The following CELF4 variants were observed in gnomAD, a reference collection of about 807,000 sequenced individuals.
The protein encoded by CELF4 is CUGBP Elav-like family member 4.
A neutral mutation model predicts 59.9 loss-of-function variants in CELF4; 18 were observed. The observed-to-expected ratio is 0.30, with a 90% CI of 0.21 to 0.45. CELF4 has a LOEUF of 0.45. Ranked by LOEUF, CELF4 falls within the 20% of genes least tolerant of loss-of-function variation. The pLI is 1.00. For synonymous variants in CELF4, 261 were observed against 267.1 expected (o/e 0.98, Z 0.22); for missense variants, 456 against 689.0 (o/e 0.66, Z 3.79).
chr18:37,318,028 G>T (rs970014503), intron 3 of CELF4, among the ~76,000 whole-genome samples: 4 of 152,092 alleles, frequency 2.6e-5, no homozygotes, highest in Admixed American at 2.6e-4. Flanking sequence ...CAAAGGCCCC[G>T]CATGTTCCCC....
rs761930409 is a variant in CELF4 at position 37,483,916 on chromosome 18, CTATTA to C, written c.369+1604_369+1608del. ...TAATACACTCCATCATTTAGCTATT[CTATTA>C]TATGTAAAATAAACAACCACAAGTT... On this transcript the variant is annotated intron_variant, in intron 2 of 12. Transcript: ENST00000420428. Among the ~76,000 whole-genome samples the C allele has an allele frequency of 1.5e-4, 23 of 152,316 alleles. No individual in the cohort carries two copies. In the Middle Eastern group the frequency reaches 0.01, roughly 68 times the overall value.
At chr18:37,271,744 T>C (rs1247985377) in intron 7 of CELF4, among the ~76,000 whole-genome samples, 2 of 152,228 alleles carry the variant, frequency 1.3e-5, no homozygotes, top group African/African-American at 2.4e-5. Context: ...GACTCAGCTT[T>C]AGCTCATACA....
At position 37,506,089 on chromosome 18, in the gene CELF4, C is replaced by G. The variant is rs967451485; in HGVS notation, c.287-20482G>C. ...TCCCCTCCCACCCCCAACGCCGCCCCCCTGTTCTTTTGGCATTCTCTGTTC... is the reference window on the plus strand; with the variant it reads ...TCCCCTCCCACCCCCAACGCCGCCCGCCTGTTCTTTTGGCATTCTCTGTTC... On this transcript the variant is annotated intron_variant, in intron 1 of 12. Transcript: ENST00000420428. 4.0e-5 allele frequency among the ~76,000 whole-genome samples: 6 copies of G among 151,804 alleles called. No homozygotes were observed. In the South Asian group the frequency reaches 6.3e-4, roughly 16 times the overall value.
chr18:37,489,632 C>T (rs1279602175), intron 1 of CELF4, among the ~76,000 whole-genome samples: 1 of 152,174 alleles, frequency 6.6e-6, no homozygotes, highest in Non-Finnish European at 1.5e-5. Context: ...GCATCAGCCT[C>T]AGCCCAGCAG....
intron 2 of CELF4, among the ~76,000 whole-genome samples, chr18:37,363,249 G>A (rs917009942): frequency 2.0e-5 from 3 of 152,136 alleles, no homozygotes; most frequent in Admixed American, 1.3e-4. Flanking sequence ...AATCCCATTA[G>A]TAGCCTCCCG....
intron 2 of CELF4, among the ~76,000 whole-genome samples, chr18:37,450,404 C>G (rs1212581667): frequency 6.6e-6 from 1 of 150,920 alleles, no homozygotes; most frequent in East Asian, 2.0e-4. Flanking sequence ...GTGTCTCTCT[C>G]CTCCCTCCCT....
intron 1 of CELF4, among the ~76,000 whole-genome samples, chr18:37,514,644 A>G (rs2099948576): frequency 6.6e-6 from 1 of 152,202 alleles, no homozygotes; most frequent in South Asian, 2.1e-4. Context: ...AAACAACTTC[A>G]GAAAAGCAAA....
intron 1 of CELF4, among the ~76,000 whole-genome samples, chr18:37,528,522 A>C (rs1263080207): frequency 2.2e-4 from 34 of 152,262 alleles, no homozygotes; most frequent in Admixed American, 2.2e-3. Flanking sequence ...AGATTTATGT[A>C]CATGCTGATT....
intron 2 of CELF4, among the ~76,000 whole-genome samples, chr18:37,466,128 C>T (rs913685750): frequency 6.6e-6 from 1 of 152,226 alleles, no homozygotes; most frequent in African/African-American, 2.4e-5. Flanking sequence ...CTCTTTCTGT[C>T]TGCTCTTGAT....
rs147116221 is a variant in CELF4 at position 37,350,785 on chromosome 18, C to A, written c.370-28904G>T. Among the ~76,000 whole-genome samples the A allele has an allele frequency of 6.9e-3, 1,044 of 152,348 alleles. 15 individuals are homozygous for A. Among genetic ancestry groups the A allele is most frequent in the African/African-American group, 0.023 (975 of 41,598 alleles). On this transcript the variant is annotated intron_variant, in intron 2 of 12. Coordinates refer to ENST00000420428, the MANE Select transcript of CELF4 (RefSeq NM_020180.4). ...ATGGTGGGACTACAGGCTTATCTCA[C>A]TTAAGACCCCAGGATTCTGGGATCC... is the stretch of plus-strand genomic sequence containing the variant.
intron 2 of CELF4, among the ~76,000 whole-genome samples, chr18:37,429,079 T>A (rs76444831): frequency 3.4e-4 from 52 of 151,810 alleles, no homozygotes; most frequent in African/African-American, 1.2e-3. Flanking sequence ...GGTGAGGGAG[T>A]CGTGCTTCCT....
chr18:37,486,309 C>T (rs902253319), intron 1 of CELF4, among the ~76,000 whole-genome samples: 10 of 152,160 alleles, frequency 6.6e-5, no homozygotes, highest in African/African-American at 2.4e-4. Context: ...TAACAAATCA[C>T]ATCCTCTTTC....
intron 1 of CELF4, among the ~76,000 whole-genome samples, chr18:37,516,992 C>T (rs566938066): frequency 2.0e-5 from 3 of 152,238 alleles, no homozygotes; most frequent in East Asian, 1.9e-4. Context: ...GCTGCGGGAC[C>T]GTGCCTTCAA....
intron 1 of CELF4, among the ~76,000 whole-genome samples, chr18:37,527,895 A>C (rs1201436457): frequency 6.6e-6 from 1 of 152,160 alleles, no homozygotes; most frequent in Admixed American, 6.5e-5. Context: ...GTTGCTCCTT[A>C]CATTTTCTCT....
chr18:37,275,653 A>C, intron 3 of CELF4: 1 of 193,720 alleles, frequency 5.2e-6, no homozygotes, highest in Non-Finnish European at 1.1e-5. Context: ...AGGCTCCAAA[A>C]TGAATCACAA....
chr18:37,313,348 T>G (rs965793212), intron 3 of CELF4, among the ~76,000 whole-genome samples: 21 of 152,340 alleles, frequency 1.4e-4, no homozygotes, highest in African/African-American at 5.1e-4. Flanking sequence ...AGCAGAGCTC[T>G]GAGAAGTTTC....
At chr18:37,537,785 A>T (rs917676161) in intron 1 of CELF4, among the ~76,000 whole-genome samples, 10 of 152,140 alleles carry the variant, frequency 6.6e-5, no homozygotes, top group African/African-American at 2.4e-4. Flanking sequence ...CTGGGAGAAA[A>T]CTTTTTTATT....
At chr18:37,500,294 G>A (rs1200265749) in intron 1 of CELF4, among the ~76,000 whole-genome samples, 7 of 152,096 alleles carry the variant, frequency 4.6e-5, no homozygotes, top group African/African-American at 9.7e-5. Flanking sequence ...AGCTGCATAG[G>A]GCTGTATTCT....
intron 2 of CELF4, among the ~76,000 whole-genome samples, chr18:37,408,386 C>A (rs900730398): frequency 6.6e-6 from 1 of 151,874 alleles, no homozygotes; most frequent in African/African-American, 2.4e-5. Flanking sequence ...GGACCAAGCA[C>A]CCAACTTTCC....
Sources: allele counts gnomAD v4.1 joint callset (sites outside exome capture counted in the v4.1 genomes callset), GRCh38; gene constraint gnomAD v4.1.1; transcripts MANE v1.5; gene names NCBI Gene and HGNC (gene_info 2026-07-23, HGNC 2026-07-21).